Variants in PCDHGB2 observed in about 807,000 individuals in gnomAD.
PCDHGB2 encodes protocadherin gamma-B2.
Under a neutral mutation model 59.3 loss-of-function variants are expected in PCDHGB2, and 55 were observed. The observed-to-expected ratio is 0.93, with a 90% CI of 0.75 to 1.16. PCDHGB2 has a LOEUF of 1.16. Ranked by LOEUF, PCDHGB2 falls within the 50% of genes most tolerant of loss-of-function variation. The pLI is 0.00. For synonymous variants in PCDHGB2, 516 were observed against 512.0 expected, an observed-to-expected ratio of 1.01 and a Z score of -0.11; for missense variants, 1,228 against 1,198.5, an observed-to-expected ratio of 1.02 and a Z score of -0.36.
chr5:141,383,340 T>C (rs1475808617), intron 1 of PCDHGB2: 15 of 1,614,016 alleles, frequency 9.3e-6, no homozygotes, highest in Non-Finnish European at 1.2e-5. Context: ...AGAATACAGC[T>C]CCTGGGGTTC....
At chr5:141,441,709 C>T in intron 1 of PCDHGB2, 1 of 321,306 alleles carries the variant, frequency 3.1e-6, no homozygotes, top group Non-Finnish European at 6.1e-6. Flanking sequence ...TTCAAGCTCA[C>T]GCTGCAGGCC....
intron 1 of PCDHGB2, chr5:141,374,655 A>T (rs1490179096): frequency 2.2e-5 from 36 of 1,611,798 alleles, no homozygotes; most frequent in Non-Finnish European, 3.1e-5. Flanking sequence ...GGGCCCAAGT[A>T]CCCGGAGCTG....
chr5:141,469,206 AG>A (rs1457933263), intron 1 of PCDHGB2, among the ~76,000 whole-genome samples: 1 of 150,920 alleles, frequency 6.6e-6, no homozygotes, highest in African/African-American at 2.4e-5. Context: ...AGCCTTTTGA[AG>A]TTGAGGCTTC....
chr5:141,460,951 GTA>G (rs200454978), intron 1 of PCDHGB2, among the ~76,000 whole-genome samples: 208 of 139,744 alleles, frequency 1.5e-3, no homozygotes, highest in South Asian at 4.3e-3. Flanking sequence ...TATGTATTAT[GTA>G]TATATATATG....
chr5:141,378,324 A>G (rs1774802625), intron 1 of PCDHGB2: 1 of 152,258 alleles, frequency 6.6e-6, no homozygotes, highest in African/African-American at 2.4e-5. Flanking sequence ...GGAGTTCGAG[A>G]CCAGCCTGAC....
At chr5:141,502,483 G>A (rs773081419) in intron 2 of PCDHGB2, among the ~76,000 whole-genome samples, 42 of 152,144 alleles carry the variant, frequency 2.8e-4, no homozygotes, top group Non-Finnish European at 4.7e-4. Context: ...GCATCACACT[G>A]GGACTCATCT....
intron 1 of PCDHGB2, chr5:141,385,549 C>G (rs2090279237): frequency 7.6e-7 from 1 of 1,316,048 alleles, no homozygotes; most frequent in Non-Finnish European, 9.7e-7. Context: ...TGGACTATCA[C>G]ATTTTATAAT....
intron 1 of PCDHGB2, among the ~76,000 whole-genome samples, chr5:141,456,842 A>G (rs1374546355): frequency 6.6e-6 from 1 of 152,150 alleles, no homozygotes; most frequent in African/African-American, 2.4e-5. Flanking sequence ...GGGCGCCTGT[A>G]ATCCCAGCTA....
chr5:141,413,248 GGGATTCCATGGGA>G (rs1349440144), intron 1 of PCDHGB2: 4 of 1,613,844 alleles, frequency 2.5e-6, no homozygotes, highest in Non-Finnish European at 2.5e-6. Context: ...CCTTTTCTTC[GGGATTCCATGGGA>G]GGCTGGAGCC....
At chr5:141,427,858 C>T in intron 1 of PCDHGB2, 1 of 1,555,500 alleles carries the variant, frequency 6.4e-7, no homozygotes, top group South Asian at 1.1e-5. Context: ...CAGCTGTGCG[C>T]CTTCGAGCTC....
At chr5:141,410,189 G>A in intron 1 of PCDHGB2, 1 of 1,613,992 alleles carries the variant, frequency 6.2e-7, no homozygotes, top group Non-Finnish European at 8.5e-7. Context: ...GCTTCATCTG[G>A]TCTTCGCAGA....
At position 141,410,277 on chromosome 5, in the gene PCDHGB2, T is replaced by C. The variant is rs1461250700; in HGVS notation, c.2421+47721T>C. 2.5e-6 allele frequency: 4 copies of C among 1,614,014 alleles called. No homozygotes were observed. In the Admixed American group the frequency reaches 6.7e-5, roughly 27 times the overall value. ...CCCCAGGCTGAACTGCAGTTTTACC[T>C]GGTGGTGGCCTTGGCCTTAATCTCA... On this transcript the variant is annotated intron_variant, in intron 1 of 3. Transcript: ENST00000522605.
intron 1 of PCDHGB2, chr5:141,385,640 A>G (rs917789862): frequency 1.2e-6 from 1 of 803,664 alleles, no homozygotes; most frequent in South Asian, 4.4e-5. Context: ...CGAGTCTTTC[A>G]TATTGCACAA....
At chr5:141,479,953 CAGTT>C (rs1198160373) in intron 1 of PCDHGB2, among the ~76,000 whole-genome samples, 1 of 152,182 alleles carries the variant, frequency 6.6e-6, no homozygotes, top group African/African-American at 2.4e-5. Flanking sequence ...TTGGATTTGG[CAGTT>C]AGTCAAATGA....
At chr5:141,494,455 G>A (rs906714175) in intron 1 of PCDHGB2, among the ~76,000 whole-genome samples, 2 of 152,156 alleles carry the variant, frequency 1.3e-5, no homozygotes, top group African/African-American at 4.8e-5. Flanking sequence ...AGGGGGCTTT[G>A]TCTGCACCTC....
At position 141,371,682 on chromosome 5, in the gene PCDHGB2, C is replaced by T. The variant is rs752117459; in HGVS notation, c.2421+9126C>T. 12 of 1,613,918 alleles carry T rather than the reference C, an allele frequency of 7.4e-6. No homozygotes were observed. In the African/African-American group the frequency reaches 1.6e-4, roughly 22 times the overall value. On this transcript the variant is annotated intron_variant, in intron 1 of 3. Transcript: ENST00000522605. Reference sequence around the variant, plus strand: ...GATCACAGCTACCGACAAAGGCAATCCACCGCTCTCCTCCAGCAAGACCAT... The same window carrying T: ...GATCACAGCTACCGACAAAGGCAATTCACCGCTCTCCTCCAGCAAGACCAT...
rs144804989 is a variant in PCDHGB2 at position 141,489,791 on chromosome 5, C to T, written c.2422-5016C>T. 1.9e-6 allele frequency: 3 copies of T among 1,614,056 alleles called. No individual in the cohort carries two copies. Among genetic ancestry groups the T allele is most frequent in the Admixed American group, 1.7e-5 (1 of 60,010 alleles). Reference sequence around the variant, plus strand: ...AGCCACTTCTCTCTGAATGTGAAGACCCTAAAAGATGGGAAGCCATTCCCA... The same window carrying T: ...AGCCACTTCTCTCTGAATGTGAAGATCCTAAAAGATGGGAAGCCATTCCCA... On this transcript the variant is annotated intron_variant, in intron 1 of 3. Transcript: ENST00000522605. This position sits in a 1 kb window ranked among gnomAD's most constrained non-coding sequence, Gnocchi z 4.5.
intron 1 of PCDHGB2, chr5:141,420,902 A>T (rs1202945278): frequency 3.4e-6 from 1 of 293,976 alleles, no homozygotes; most frequent in Non-Finnish European, 6.3e-6. Context: ...TAAGCTCTAC[A>T]AATACGTGTG....
chr5:141,375,822 G>T, intron 1 of PCDHGB2: 6 of 1,614,140 alleles, frequency 3.7e-6, no homozygotes, highest in Non-Finnish European at 5.1e-6. Flanking sequence ...CTGGCGCCCC[G>T]CTCCGCAGAG....
Sources: allele counts gnomAD v4.1 joint callset (sites outside exome capture counted in the v4.1 genomes callset), GRCh38; gene constraint gnomAD v4.1.1; non-coding constraint Gnocchi (gnomAD v3.1); transcripts MANE v1.5; gene names NCBI Gene and HGNC (gene_info 2026-07-23, HGNC 2026-07-21).